The following CDIN1 variants were observed in gnomAD, a reference collection of about 807,000 sequenced individuals.
CDIN1 encodes the protein CDAN1-interacting nuclease 1.
CDIN1 carries 33 observed loss-of-function variants against 45.3 expected under a neutral mutation model. The observed-to-expected ratio is 0.73, with a 90% CI of 0.55 to 0.97. The LOEUF (loss-of-function observed/expected upper bound fraction) is 0.97. Ranked by LOEUF, CDIN1 falls within the 50% of genes least tolerant of loss-of-function variation. The pLI is 0.00. For synonymous variants in CDIN1, 118 were observed against 124.4 expected (o/e 0.95, Z 0.34); for missense variants, 303 against 339.4 (o/e 0.89, Z 0.84).
At chr15:36,635,091 C>T (rs2039840939) in intron 1 of CDIN1, among the ~76,000 whole-genome samples, 1 of 152,096 alleles carries the variant, frequency 6.6e-6, no homozygotes, top group Non-Finnish European at 1.5e-5. Context: ...TTATAAATAT[C>T]CCAAGCTTTG....
chr15:36,621,986 T>C (rs1411149954), intron 1 of CDIN1, among the ~76,000 whole-genome samples: 2 of 151,836 alleles, frequency 1.3e-5, no homozygotes, highest in African/African-American at 4.8e-5. Context: ...TAAATTAGCC[T>C]CATGGTGAAT....
At chr15:36,787,129 T>C (rs1236931943) in intron 10 of CDIN1, among the ~76,000 whole-genome samples, 1 of 152,224 alleles carries the variant, frequency 6.6e-6, no homozygotes, top group Non-Finnish European at 1.5e-5. Context: ...TTGTTTTTTA[T>C]TTCCAGATTT....
At chr15:36,589,558 T>C (rs1012125195) in intron 1 of CDIN1, among the ~76,000 whole-genome samples, 2 of 151,810 alleles carry the variant, frequency 1.3e-5, no homozygotes, top group East Asian at 1.9e-4. Context: ...CAGGCTGGAG[T>C]GCAGTGGCGC....
At chr15:36,620,557 A>G (rs2039136500) in intron 1 of CDIN1, among the ~76,000 whole-genome samples, 2 of 152,086 alleles carry the variant, frequency 1.3e-5, no homozygotes, top group African/African-American at 4.8e-5. Flanking sequence ...TACTTACTGA[A>G]TTATATTTGT....
At chr15:36,798,405 T>C (rs1158127169) in intron 10 of CDIN1, among the ~76,000 whole-genome samples, 1 of 152,226 alleles carries the variant, frequency 6.6e-6, no homozygotes, top group African/African-American at 2.4e-5. Context: ...TTTTGGGGAC[T>C]AGGTTGGCTA....
At chr15:36,780,144 C>A (rs1184243188) in intron 10 of CDIN1, among the ~76,000 whole-genome samples, 2 of 152,108 alleles carry the variant, frequency 1.3e-5, no homozygotes, top group African/African-American at 4.8e-5. Context: ...TTTTTGGGAC[C>A]TGAGACTATT....
chr15:36,744,668 A>G (rs146692532), intron 10 of CDIN1, among the ~76,000 whole-genome samples: 1 of 152,308 alleles, frequency 6.6e-6, no homozygotes, highest in Non-Finnish European at 1.5e-5. Context: ...CACCTGTGAT[A>G]AAATAAATCT....
intron 10 of CDIN1, among the ~76,000 whole-genome samples, chr15:36,728,285 C>T (rs141322137): frequency 1.6e-4 from 25 of 152,298 alleles, no homozygotes; most frequent in African/African-American, 5.5e-4. Flanking sequence ...CTCCCACCCC[C>T]CTACCATTCA....
At chr15:36,646,822 T>C (rs1279716784) in intron 3 of CDIN1, among the ~76,000 whole-genome samples, 2 of 152,124 alleles carry the variant, frequency 1.3e-5, no homozygotes, top group African/African-American at 2.4e-5. Context: ...GGAGATCCAC[T>C]GACAGGTAAT....
chr15:36,802,560 G>A (rs75285833), intron 10 of CDIN1, among the ~76,000 whole-genome samples: 15,906 of 152,116 alleles, frequency 0.1, 1,043 homozygotes, highest in African/African-American at 0.18. Flanking sequence ...ATAACAATAG[G>A]AAGTTAATAA....
intron 1 of CDIN1, among the ~76,000 whole-genome samples, chr15:36,603,488 C>T (rs2038211191): frequency 6.6e-6 from 1 of 152,150 alleles, no homozygotes; most frequent in South Asian, 2.1e-4. Context: ...GCTTACAAAG[C>T]ATTTTCATAA....
chr15:36,650,011 G>A (rs1333930457), intron 3 of CDIN1, among the ~76,000 whole-genome samples: 1 of 152,224 alleles, frequency 6.6e-6, no homozygotes, highest in African/African-American at 2.4e-5. Flanking sequence ...TATCACATAT[G>A]TTACCAGTAT....
intron 10 of CDIN1, among the ~76,000 whole-genome samples, chr15:36,791,833 G>A (rs942862109): frequency 2.6e-5 from 4 of 152,120 alleles, no homozygotes; most frequent in African/African-American, 9.7e-5. Flanking sequence ...ATTTTACTAG[G>A]CTGACAGGGA....
At chr15:36,786,265 A>G (rs970745378) in intron 10 of CDIN1, among the ~76,000 whole-genome samples, 3 of 152,222 alleles carry the variant, frequency 2.0e-5, no homozygotes, top group Non-Finnish European at 4.4e-5. Flanking sequence ...CTATGATTTT[A>G]TAACATTGTT....
intron 4 of CDIN1, among the ~76,000 whole-genome samples, chr15:36,655,024 A>G (rs1186521626): frequency 2.0e-5 from 3 of 152,222 alleles, no homozygotes; most frequent in Non-Finnish European, 2.9e-5. Flanking sequence ...GTGTGTTTGC[A>G]TTAAAGATGA....
intron 10 of CDIN1, among the ~76,000 whole-genome samples, chr15:36,774,185 G>A (rs1357922309): frequency 7.6e-6 from 1 of 131,296 alleles, no homozygotes; most frequent in South Asian, 2.4e-4. Context: ...CATGCATGAG[G>A]GGAGACACAA....
At chr15:36,736,584 G>A (rs1039618258) in intron 10 of CDIN1, among the ~76,000 whole-genome samples, 2 of 152,122 alleles carry the variant, frequency 1.3e-5, no homozygotes, top group African/African-American at 4.8e-5. Context: ...AGAACCTTAA[G>A]CCTACTCACT....
intron 10 of CDIN1, 32 bp from the exon 11 acceptor site, chr15:36,808,292 T>C (rs1481640252): frequency 6.2e-7 from 1 of 1,608,524 alleles, no homozygotes; most frequent in Non-Finnish European, 8.5e-7. Flanking sequence ...GTTGATACCA[T>C]GTGTGTGTGT....
At chr15:36,785,373 A>G (rs1827026071) in intron 10 of CDIN1, among the ~76,000 whole-genome samples, 1 of 152,204 alleles carries the variant, frequency 6.6e-6, no homozygotes. Context: ...TAGGCCTCAC[A>G]CTTTGGCCCA....
Sources: allele counts gnomAD v4.1 joint callset (sites outside exome capture counted in the v4.1 genomes callset), GRCh38; gene constraint gnomAD v4.1.1; transcripts MANE v1.5; gene names NCBI Gene and HGNC (gene_info 2026-07-23, HGNC 2026-07-21).